The following TUT1 variants were observed in gnomAD, a reference collection of about 807,000 sequenced individuals.
TUT1 encodes speckle targeted PIP5K1A-regulated poly(A) polymerase.
Under a neutral mutation model 48.8 loss-of-function variants are expected in TUT1, and 26 were observed. That is an observed-to-expected ratio of 0.53 (90% CI 0.39 to 0.74). The LOEUF is 0.74. TUT1 is among the 30% of genes least tolerant of loss of function. The pLI, the probability that TUT1 is intolerant of heterozygous loss-of-function variation, is 0.00. For synonymous variants in TUT1, 470 were observed against 460.8 expected, an observed-to-expected ratio of 1.02 and a Z score of -0.26; for missense variants, 1,065 against 1,114.8, an observed-to-expected ratio of 0.96 and a Z score of 0.64.
rs1941696604 is a variant in TUT1, at chr11:62,575,078, T to C, written c.*16A>G. Reference sequence around the variant, plus strand: ...TAATAAACTAGCAGCTTTATTGCCCTTCAGGGGCCATGTCTTCACTTGAGA... The same window carrying C: ...TAATAAACTAGCAGCTTTATTGCCCCTCAGGGGCCATGTCTTCACTTGAGA... On this transcript the variant is annotated 3_prime_UTR_variant, in exon 9 of 9. Coordinates refer to ENST00000476907, the MANE Select transcript of TUT1 (RefSeq NM_022830.3). 6.4e-7 allele frequency: 1 copy of C among 1,552,308 alleles called. No individual in the cohort carries two copies. The highest frequency in any genetic ancestry group is 8.7e-7 in the Non-Finnish European group (1 of 1,149,446).
At position 62,578,455 on chromosome 11, in the gene TUT1, G is replaced by A. The variant is rs1941766438; in HGVS notation, c.1160+106C>T. On this transcript the variant is annotated intron_variant, in intron 5 of 8. Transcript: ENST00000476907. ...AGCTACTTGGGAGGCTGAGGCAGGA[G>A]AATCACTTCAACCTGGGAGGCAGAG... 4.7e-6 allele frequency: 5 copies of A among 1,070,844 alleles called. No individual in the cohort carries two copies. The East Asian group carries it at 1.0e-4, about 22-fold the overall frequency. The allele number at this position is 1,070,844 out of a possible 1,614,324, so 66.3% of individuals were successfully genotyped here.
chr11:62,591,242 C>A, intron 1 of TUT1, 162 bp downstream of exon 1: 1 of 938,658 alleles, frequency 1.1e-6, no homozygotes, highest in African/African-American at 1.8e-5. Flanking sequence ...GGAACTTTCC[C>A]GACTCTCCAA....
At chr11:62,586,948 T>G (rs1488315563) in intron 2 of TUT1, among the ~76,000 whole-genome samples, 5 of 149,224 alleles carry the variant, frequency 3.4e-5, no homozygotes, top group African/African-American at 4.9e-5. Flanking sequence ...TAGGTGATCC[T>G]CCCACCTCAG....
Position 62,581,664 on chromosome 11 carries a change from G to C in TUT1, c.311C>G (p.Ala104Gly). The C allele has an allele frequency of 6.7e-7, 1 of 1,498,448 alleles. No homozygotes were observed. The allele number at this position is 1,498,448 out of a possible 1,614,324, so 92.8% of individuals were successfully genotyped here. The change falls in exon 3 of 9, where the codon GCT becomes GGT. Residue 104 changes from alanine (A) to glycine (G), a missense_variant. Transcript: ENST00000476907. ...GGACTGTGACAAGACAGCCTCTCGA[G>C]CACCCACGTCCCCCATCTCCACAAT... ...FAIVEMGDVG[A>G]REAVLSQSQH...
chr11:62,581,793 A>G, intron 2 of TUT1, 92 bp from the exon 3 acceptor site: 3 of 1,089,974 alleles, frequency 2.8e-6, no homozygotes, highest in Non-Finnish European at 3.7e-6. Context: ...AATGGAGACT[A>G]TCCCATAAAT....
chr11:62,576,274 G>A lies in TUT1; in HGVS notation c.1475-30C>T, dbSNP rs749329688. 112 of 1,511,142 alleles carry A rather than the reference G, an allele frequency of 7.4e-5. No individual in the cohort carries two copies. In the Admixed American group the frequency reaches 2.4e-3, roughly 33 times the overall value. The allele number at this position is 1,511,142 out of a possible 1,614,324, so 93.6% of individuals were successfully genotyped here. The stretch of plus-strand genomic sequence containing the variant: ...AGGAGGAGGAAGAGTGGGGAAAGGG[G>A]GGTCACTTAGAGGCCAGAACTGATA... On this transcript the variant is annotated intron_variant, in intron 8 of 8. Coordinates refer to ENST00000476907, the MANE Select transcript of TUT1 (RefSeq NM_022830.3).
At chr11:62,589,354 G>C in intron 1 of TUT1, 133 bp from the exon 2 acceptor site, 1 of 741,052 alleles carries the variant, frequency 1.3e-6, no homozygotes, top group Non-Finnish European at 2.2e-6. Context: ...CAAAGTCCTG[G>C]CTCCTTTCAC....
intron 2 of TUT1, among the ~76,000 whole-genome samples, chr11:62,585,683 T>A (rs565714858): frequency 3.4e-4 from 51 of 152,030 alleles, no homozygotes; most frequent in African/African-American, 1.2e-3. Context: ...ATACAAAAAT[T>A]AGCCGGGCAT....
At chr11:62,579,933 G>A (rs1004118914) in intron 4 of TUT1, among the ~76,000 whole-genome samples, 1 of 150,978 alleles carries the variant, frequency 6.6e-6, no homozygotes, top group African/African-American at 2.4e-5. Flanking sequence ...CCAAAGTGCT[G>A]GCATTACACA....
Position 62,578,786 on chromosome 11 carries a change from A to G in TUT1, c.935T>C (p.Leu312Pro), listed in dbSNP as rs553107966. The change falls in exon 5 of 9, where the codon CTA (leucine) becomes CCA (proline). Residue 312 changes from leucine (L) to proline (P), a missense_variant. Coordinates refer to ENST00000476907, the MANE Select transcript of TUT1 (RefSeq NM_022830.3). ...CAGGTCCCCCTCTTCCCTGTCCTCTAGCAGTGGTGAAGCTGGAGGCAGAGA... is the reference window on the plus strand; with the variant it reads ...CAGGTCCCCCTCTTCCCTGTCCTCTGGCAGTGGTGAAGCTGGAGGCAGAGA... ...PQSLPPASPL[L>P]EDREEGDLGK... is the part of the protein sequence containing the mutation. 4 of 1,613,954 alleles carry G rather than the reference A, an allele frequency of 2.5e-6. No individual in the cohort carries two copies. The African/African-American group carries it at 5.3e-5, about 22-fold the overall frequency.
intron 8 of TUT1, 186 bp from the exon 9 acceptor site, chr11:62,576,430 G>T: frequency 1.2e-6 from 1 of 834,898 alleles, no homozygotes; most frequent in Non-Finnish European, 1.8e-6. Context: ...GCCCCCACAT[G>T]ATGTCCTTGC....
In TUT1 at chr11:62,576,057, AT is replaced by A; in HGVS notation, c.1661del (p.Asn554MetfsTer2). The A allele has an allele frequency of 6.2e-7, 1 of 1,613,874 alleles. No individual in the cohort carries two copies. Among genetic ancestry groups the A allele is most frequent in the Non-Finnish European group, 8.5e-7 (1 of 1,180,026 alleles). On this transcript the variant is annotated frameshift_variant, in exon 9 of 9. Transcript: ENST00000476907. LOFTEE classifies it low-confidence loss of function (END_TRUNC). The part of the protein sequence containing the change: ...PFDLSHNVAA[N>X]VTSRVAGRLQ... ...GGCGCCCAGCCACCCGGCTGGTCAC[AT>A]TGGCTGCGACATTGTGACTCAGGTC...
Position 62,578,962 on chromosome 11 carries a change from G to T in TUT1, c.759C>A (p.Ala253=). Residue 253 remains alanine (A), a synonymous_variant, in exon 5 of 9, where the codon GCC becomes GCA. Transcript: ENST00000476907. The part of the protein sequence containing the change: ...SALASPLDPQ[A]LACTPASPPD... ...GAGGGGAAGCTGGGGTGCAGGCCAG[G>T]GCTTGAGGGTCCAGTGGGGAAGCCA... 1.3e-6 allele frequency: 2 copies of T among 1,534,234 alleles called. No individual in the cohort carries two copies. Among genetic ancestry groups the T allele is most frequent in the Non-Finnish European group, 1.8e-6 (2 of 1,142,586 alleles).
In TUT1 at chr11:62,589,161, G is replaced by A; in HGVS notation, c.143C>T (p.Ala48Val). 6.2e-7 allele frequency: 1 copy of A among 1,614,248 alleles called. No individual in the cohort carries two copies. The highest frequency in any genetic ancestry group is 1.7e-5 in the Admixed American group (1 of 60,024). Residue 48 changes from alanine to valine, a missense_variant, in exon 2 of 9, where the codon GCT (alanine) becomes GTT (valine). Coordinates refer to ENST00000476907, the MANE Select transcript of TUT1 (RefSeq NM_022830.3). ...RKHRHLVELR[A>V]ARKAQGLRSV... The stretch of plus-strand genomic sequence containing the variant: ...TCGAAGTCCCTGGGCCTTTCTCGCA[G>A]CTCGTAGTTCTACCAGGTGCCGGTG...
At position 62,575,194 on chromosome 11, in the gene TUT1, A is replaced by C; in HGVS notation, c.2525T>G (p.Met842Arg). 1 of 1,612,374 alleles carries C rather than the reference A, an allele frequency of 6.2e-7. No homozygotes were observed. The highest frequency in any genetic ancestry group is 2.2e-5 in the East Asian group (1 of 44,816). ...FVASVSPADR[M>R]LTVTPLQDPQ... ...ATCCTGGAGCGGGGTCACAGTGAGC[A>C]TTCGGTCAGCCGGGGAGACAGACGC... The change falls in exon 9 of 9, where the codon ATG becomes AGG. Residue 842 changes from methionine (M) to arginine (R), a missense_variant. By Grantham distance (91) the Met-to-Arg change is moderately conservative. Coordinates refer to ENST00000476907, the MANE Select transcript of TUT1 (RefSeq NM_022830.3).
At position 62,576,078 on chromosome 11, in the gene TUT1, C is replaced by T. The variant is rs762474398; in HGVS notation, c.1641G>A (p.Leu547=). The T allele has an allele frequency of 2.5e-6, 4 of 1,613,786 alleles. No individual in the cohort carries two copies. Among genetic ancestry groups the T allele is most frequent in the Non-Finnish European group, 2.5e-6 (3 of 1,180,032 alleles). Residue 547 remains leucine (L), a synonymous_variant, in exon 9 of 9, where the codon CTG becomes CTA. Transcript: ENST00000476907. ...GPLNLQDPFD[L]SHNVAANVTS... is the part of the protein sequence containing the mutation. ...TCACATTGGCTGCGACATTGTGACT[C>T]AGGTCAAAAGGGTCCTGGAGATTCA...
intron 2 of TUT1, 46 bp downstream of exon 2, chr11:62,588,985 C>T (rs1239306671): frequency 5.1e-6 from 8 of 1,561,118 alleles, no homozygotes; most frequent in South Asian, 2.3e-5. Context: ...TGAGCCATCG[C>T]GCCCAGCACT....
At chr11:62,580,842 T>G (rs1227655149) in intron 4 of TUT1, among the ~76,000 whole-genome samples, 1 of 152,014 alleles carries the variant, frequency 6.6e-6, no homozygotes, top group Admixed American at 6.6e-5. Flanking sequence ...ACTCCTGACC[T>G]CAGGTGATCC....
At chr11:62,583,256 G>T (rs911263411) in intron 2 of TUT1, among the ~76,000 whole-genome samples, 1 of 151,848 alleles carries the variant, frequency 6.6e-6, no homozygotes, top group Non-Finnish European at 1.5e-5. Context: ...CTATATTGTT[G>T]TAAGTTGGTG....
Sources: allele counts gnomAD v4.1 joint callset (sites outside exome capture counted in the v4.1 genomes callset), GRCh38; gene constraint gnomAD v4.1.1; transcripts MANE v1.5; gene names NCBI Gene and HGNC (gene_info 2026-07-23, HGNC 2026-07-21).